DACH2: variants seen among roughly 807,000 people sequenced by gnomAD.
The protein encoded by DACH2 is dachshund family transcription factor 2.
A neutral mutation model predicts 35.8 loss-of-function variants in DACH2; 17 were observed. That is an observed-to-expected ratio of 0.48 (90% CI 0.33 to 0.71). The LOEUF is 0.71. Ranked by LOEUF, DACH2 falls within the 30% of genes least tolerant of loss-of-function variation. The pLI is 0.02. For missense variants in DACH2, 469 were observed against 472.7 expected (o/e 0.99, Z 0.07); for synonymous variants, 195 against 177.3 (o/e 1.10, Z -0.79).
At chrX:86,631,062 T>A (rs1177758243) in intron 3 of DACH2, among the ~76,000 whole-genome samples, 1 of 112,237 alleles carries the variant, frequency 8.9e-6, no homozygotes, top group African/African-American at 3.2e-5. Flanking sequence ...TCCTCTTGAA[T>A]ATTTTGAGAT....
chrX:86,158,512 A>G lies in DACH2; in HGVS notation c.488+9404A>G, dbSNP rs1212977393. On this transcript the variant is annotated intron_variant, in intron 1 of 11. Transcript: ENST00000373125. ...ATCGCTCATGATTAGATTTGTTATG[A>G]TAGCCTGTGCGTGTGTGTGTGTGTG... Among the ~76,000 whole-genome samples, 3 of 104,546 alleles carry G rather than the reference A, an allele frequency of 2.9e-5. No individual in the cohort carries two copies. The East Asian group carries it at 9.2e-4, about 32-fold the overall frequency. The allele number at this position is 104,546 out of a possible 115,157, so 90.8% of individuals were successfully genotyped here.
At chrX:86,283,363 G>A (rs895423077) in intron 1 of DACH2, among the ~76,000 whole-genome samples, 2 of 111,076 alleles carry the variant, frequency 1.8e-5, no homozygotes, top group Non-Finnish European at 3.8e-5. Context: ...CATTGATCCA[G>A]CAATCCCATT....
chrX:86,530,004 C>T (rs63217964), intron 3 of DACH2, among the ~76,000 whole-genome samples: 5,399 of 103,697 alleles, frequency 0.052, 121 homozygotes, highest in Middle Eastern at 0.11. Context: ...CACACACACA[C>T]AATCACATTT....
chrX:86,552,199 C>T (rs1030072953), intron 3 of DACH2, among the ~76,000 whole-genome samples: 2 of 110,984 alleles, frequency 1.8e-5, no homozygotes, highest in African/African-American at 6.5e-5. Flanking sequence ...CAACATTTCT[C>T]GACGTGAATA....
chrX:86,162,833 G>C (rs759198888), intron 1 of DACH2, among the ~76,000 whole-genome samples: 1 of 110,816 alleles, frequency 9.0e-6, no homozygotes, highest in Non-Finnish European at 1.9e-5. Flanking sequence ...TTTTTGAAAC[G>C]TGTTGAGAAT....
chrX:86,497,796 C>T (rs1450603383), intron 2 of DACH2, among the ~76,000 whole-genome samples: 1 of 110,983 alleles, frequency 9.0e-6, no homozygotes, highest in African/African-American at 3.3e-5. Context: ...GAGTTCAAGA[C>T]CAGCTTGGCC....
intron 1 of DACH2, among the ~76,000 whole-genome samples, chrX:86,217,222 C>G (rs80278136): frequency 9.1e-6 from 1 of 109,433 alleles, no homozygotes; most frequent in African/African-American, 3.3e-5. Flanking sequence ...TAGAAAGGAA[C>G]AGAAAGTACA....
At chrX:86,690,229 G>A (rs1295465176) in intron 4 of DACH2, among the ~76,000 whole-genome samples, 1 of 111,577 alleles carries the variant, frequency 9.0e-6, no homozygotes, top group Non-Finnish European at 1.9e-5. Flanking sequence ...AAACATTTTG[G>A]TGTTTGGGTG....
intron 1 of DACH2, among the ~76,000 whole-genome samples, chrX:86,308,925 C>A (rs1020410408): frequency 9.0e-6 from 1 of 111,132 alleles, no homozygotes; most frequent in African/African-American, 3.3e-5. Context: ...TGGACTCATC[C>A]TGTGGTCATT....
chrX:86,335,649 C>T (rs1602415900), intron 1 of DACH2, among the ~76,000 whole-genome samples: 1 of 111,966 alleles, frequency 8.9e-6, no homozygotes, highest in South Asian at 3.8e-4. Flanking sequence ...AGATTTTGGG[C>T]TGAGATGATG....
intron 1 of DACH2, among the ~76,000 whole-genome samples, chrX:86,214,124 T>G (rs1230853565): frequency 9.0e-6 from 1 of 111,300 alleles, no homozygotes; most frequent in Non-Finnish European, 1.9e-5. Context: ...GTACCACAAC[T>G]ATAATGCTTT....
At chrX:86,681,587 CTTTCTCCCTCTCTCTCTCTCTCTA>C (rs978477350) in intron 4 of DACH2, among the ~76,000 whole-genome samples, 4 of 95,575 alleles carry the variant, frequency 4.2e-5, no homozygotes, top group African/African-American at 1.5e-4. Context: ...CTCTCTCTCT[CTTTCTCCCTCTCTCTCTCTCTCTA>C]TATATATATA....
chrX:86,618,413 ATGTT>A (rs931979860), intron 3 of DACH2, among the ~76,000 whole-genome samples: 4 of 111,990 alleles, frequency 3.6e-5, no homozygotes, highest in African/African-American at 1.3e-4. Flanking sequence ...AAAGCTTTCT[ATGTT>A]TGTTGTTTTT....
At chrX:86,418,439 G>T (rs1462367706) in intron 2 of DACH2, among the ~76,000 whole-genome samples, 1 of 112,202 alleles carries the variant, frequency 8.9e-6, no homozygotes, top group African/African-American at 3.2e-5. Context: ...AATCTAGGCG[G>T]AGGTTTTCAA....
chrX:86,616,230 C>G (rs1464118879), intron 3 of DACH2, among the ~76,000 whole-genome samples: 1 of 111,624 alleles, frequency 9.0e-6, no homozygotes, highest in East Asian at 2.8e-4. Flanking sequence ...CTGTAATGAA[C>G]ATTCACATGC....
chrX:86,726,425 T>C (rs776739710), intron 6 of DACH2, among the ~76,000 whole-genome samples: 10 of 110,666 alleles, frequency 9.0e-5, no homozygotes, highest in Middle Eastern at 4.2e-3. Flanking sequence ...TAAGAAGCTG[T>C]AGAAAGTGAA....
At chrX:86,384,987 T>C (rs1160294815) in intron 2 of DACH2, among the ~76,000 whole-genome samples, 2 of 111,885 alleles carry the variant, frequency 1.8e-5, no homozygotes, top group Non-Finnish European at 3.8e-5. Context: ...ATACTTTTTC[T>C]GAAATATATA....
At chrX:86,552,297 G>A (rs762076104) in intron 3 of DACH2, among the ~76,000 whole-genome samples, 1 of 111,656 alleles carries the variant, frequency 9.0e-6, no homozygotes, top group Non-Finnish European at 1.9e-5. Context: ...TAAAAAGTTG[G>A]AGGCATTGTT....
At chrX:86,430,900 C>T (rs924376495) in intron 2 of DACH2, among the ~76,000 whole-genome samples, 5 of 111,587 alleles carry the variant, frequency 4.5e-5, no homozygotes, top group East Asian at 2.8e-4. Flanking sequence ...ATTGGTGAGA[C>T]GATGACATGT....
Sources: allele counts gnomAD v4.1 joint callset (sites outside exome capture counted in the v4.1 genomes callset), GRCh38; gene constraint gnomAD v4.1.1; transcripts MANE v1.5; gene names NCBI Gene and HGNC (gene_info 2026-07-23, HGNC 2026-07-21).